The following SATL1 variants were observed in gnomAD, a reference collection of about 807,000 sequenced individuals.
The protein encoded by SATL1 is spermidine/spermine N(1)-acetyltransferase-like protein 1.
In SATL1, 47 loss-of-function variants were observed where a neutral mutation model predicts 51.8. The observed-to-expected ratio is 0.91, with a 90% CI of 0.72 to 1.16. The LOEUF (loss-of-function observed/expected upper bound fraction) is 1.16. SATL1 is among the 50% of genes most tolerant of loss of function. SATL1 has a pLI of 0.00. For missense variants in SATL1, 520 were observed against 526.4 expected, an observed-to-expected ratio of 0.99 and a Z score of 0.12; for synonymous variants, 176 against 182.4, an observed-to-expected ratio of 0.97 and a Z score of 0.28.
At chrX:85,202,366 G>A (rs1026451148) in intron 2 of SATL1, among the ~76,000 whole-genome samples, 2 of 111,628 alleles carry the variant, frequency 1.8e-5, no homozygotes, top group Non-Finnish European at 3.8e-5. Context: ...GTCTTTGAAC[G>A]GTATTTCTGT....
intron 2 of SATL1, chrX:85,210,094 C>A (rs190990968): frequency 1.1e-4 from 12 of 108,361 alleles, no homozygotes; most frequent in Non-Finnish European, 2.3e-4. Flanking sequence ...CCCTACCTCC[C>A]GAGTTTGAGA....
chrX:85,216,828 G>A (rs777311120), intron 2 of SATL1, among the ~76,000 whole-genome samples: 72 of 111,925 alleles, frequency 6.4e-4, no homozygotes, highest in African/African-American at 2.3e-3. Flanking sequence ...CATTGAGGGC[G>A]TCATTCAATG....
intron 2 of SATL1, among the ~76,000 whole-genome samples, chrX:85,181,183 G>A (rs1569242935): frequency 3.3e-5 from 3 of 90,574 alleles, no homozygotes; most frequent in Admixed American, 2.3e-4. Flanking sequence ...ATATATGTGT[G>A]TGTGTATATA....
intron 2 of SATL1, among the ~76,000 whole-genome samples, chrX:85,213,175 A>G (rs947923912): frequency 1.3e-4 from 14 of 111,833 alleles, no homozygotes; most frequent in Non-Finnish European, 1.7e-4. Flanking sequence ...ATTAAATGCC[A>G]TTAGACTGGT....
chrX:85,114,709 C>G (rs1490582144), intron 2 of SATL1, among the ~76,000 whole-genome samples: 1 of 111,843 alleles, frequency 8.9e-6, no homozygotes, highest in East Asian at 2.8e-4. Flanking sequence ...AAACGCATAC[C>G]AATAACACAT....
chrX:85,206,493 G>C (rs1927794334), intron 2 of SATL1, among the ~76,000 whole-genome samples: 1 of 111,595 alleles, frequency 9.0e-6, no homozygotes, highest in African/African-American at 3.3e-5. Context: ...TGCTACTGAG[G>C]GATCAAATCA....
In SATL1 at chrX:85,157,364, T is replaced by C. The variant is rs759560979; in HGVS notation, c.-312-48084A>G. On this transcript the variant is annotated intron_variant, in intron 2 of 7. Transcript: ENST00000644105. ...CTATAGTATTTTTCAAAAAAGAAGG[T>C]TAAAGTACTCTAGGTGAATATCCTA... Among the ~76,000 whole-genome samples the C allele has an allele frequency of 3.6e-5, 4 of 111,393 alleles. No homozygotes were observed. The South Asian group carries it at 1.5e-3, about 42-fold the overall frequency.
At chrX:85,208,364 C>T (rs767436345) in intron 2 of SATL1, among the ~76,000 whole-genome samples, 40 of 111,491 alleles carry the variant, frequency 3.6e-4, no homozygotes, top group African/African-American at 6.8e-4. Context: ...AATAAACATA[C>T]GTGTGCATGT....
At chrX:85,136,094 G>A (rs1204193747) in intron 2 of SATL1, among the ~76,000 whole-genome samples, 12 of 110,335 alleles carry the variant, frequency 1.1e-4, no homozygotes, top group Non-Finnish European at 1.7e-4. Context: ...GAGGGGGATC[G>A]TAGGGCAGAG....
chrX:85,139,084 A>G (rs765088836), intron 2 of SATL1, among the ~76,000 whole-genome samples: 2 of 111,653 alleles, frequency 1.8e-5, no homozygotes, highest in African/African-American at 6.5e-5. Flanking sequence ...AGAATTTTCT[A>G]GCCGTTTGCT....
chrX:85,239,346 C>G (rs1774894705), intron 1 of SATL1, among the ~76,000 whole-genome samples: 1 of 110,969 alleles, frequency 9.0e-6, no homozygotes, highest in Admixed American at 9.6e-5. Flanking sequence ...CTGAAAATGA[C>G]AAAACACTGA....
intron 1 of SATL1, among the ~76,000 whole-genome samples, chrX:85,234,826 C>CA (rs982582007): frequency 9.1e-6 from 1 of 110,469 alleles, no homozygotes; most frequent in African/African-American, 3.3e-5. Flanking sequence ...AACCAGAAAA[C>CA]AAAAAACAAA....
At chrX:85,134,089 G>A (rs1925885239) in intron 2 of SATL1, among the ~76,000 whole-genome samples, 1 of 111,427 alleles carries the variant, frequency 9.0e-6, no homozygotes, top group African/African-American at 3.3e-5. Flanking sequence ...AAAAGCATAT[G>A]TGAACTCCTA....
chrX:85,138,252 G>A (rs1926012388), intron 2 of SATL1, among the ~76,000 whole-genome samples: 1 of 111,836 alleles, frequency 8.9e-6, no homozygotes, highest in Non-Finnish European at 1.9e-5. Context: ...GAGGTTTTAT[G>A]TTTATCTGGC....
At chrX:85,175,931 T>C (rs1031936394) in intron 2 of SATL1, among the ~76,000 whole-genome samples, 2 of 111,245 alleles carry the variant, frequency 1.8e-5, no homozygotes, top group Non-Finnish European at 3.8e-5. Flanking sequence ...AGGAAGCCCA[T>C]TGATAATTAT....
Position 85,152,878 on chromosome X carries a change from T to C in SATL1, c.-312-43598A>G, listed in dbSNP as rs1021560192. Among the ~76,000 whole-genome samples the C allele has an allele frequency of 2.3e-3, 254 of 110,322 alleles. 1 individual carries two copies. Among genetic ancestry groups the C allele is most frequent in the Non-Finnish European group, 4.3e-3 (226 of 52,750 alleles). On this transcript the variant is annotated intron_variant, in intron 2 of 7. Transcript: ENST00000644105. ...ATATAGCTAATGCTAAATGATGAGTTAATGGGTGCAGCACACCAGCATGGC... is the reference window on the plus strand; with the variant it reads ...ATATAGCTAATGCTAAATGATGAGTCAATGGGTGCAGCACACCAGCATGGC...
intron 2 of SATL1, among the ~76,000 whole-genome samples, chrX:85,199,527 A>G (rs1010390309): frequency 5.4e-5 from 6 of 112,032 alleles, no homozygotes; most frequent in African/African-American, 1.9e-4. Context: ...TGGAAGCAAC[A>G]TAAGTGTCGG....
intron 2 of SATL1, among the ~76,000 whole-genome samples, chrX:85,175,776 C>T (rs898272468): frequency 9.0e-6 from 1 of 111,087 alleles, no homozygotes; most frequent in African/African-American, 3.3e-5. Flanking sequence ...GAGAAGACCA[C>T]TTTAGTCAAG....
At chrX:85,134,167 A>ATG (rs762909012) in intron 2 of SATL1, among the ~76,000 whole-genome samples, 3 of 109,051 alleles carry the variant, frequency 2.8e-5, no homozygotes, top group Admixed American at 9.9e-5. Flanking sequence ...ATGTATATAT[A>ATG]TGTGTGTGTG....
Sources: gnomAD v4.1 joint callset for allele counts (sites outside exome capture counted in the v4.1 genomes callset) on GRCh38, gnomAD v4.1.1 for gene constraint, MANE v1.5 for transcripts, NCBI Gene and HGNC (gene_info 2026-07-23, HGNC 2026-07-21) for gene names.